The following SEPTIN4 variants were observed in gnomAD, a reference collection of about 807,000 sequenced individuals.
SEPTIN4 encodes septin 4.
Under a neutral mutation model 107.1 loss-of-function variants are expected in SEPTIN4, and 52 were observed. That is an observed-to-expected ratio of 0.49 (90% CI 0.39 to 0.61). The LOEUF (loss-of-function observed/expected upper bound fraction) is 0.61, where lower values mean the gene tolerates loss of function less well. SEPTIN4 is among the 20% of genes least tolerant of loss of function. The pLI, the probability that SEPTIN4 is intolerant of heterozygous loss-of-function variation, is 0.00. For missense variants in SEPTIN4, 1,048 were observed against 1,243.5 expected, an observed-to-expected ratio of 0.84 and a Z score of 2.36; for synonymous variants, 417 against 467.0, an observed-to-expected ratio of 0.89 and a Z score of 1.38.
intron 3 of SEPTIN4, among the ~76,000 whole-genome samples, chr17:58,535,688 C>T (rs2043686798): frequency 6.6e-6 from 1 of 152,182 alleles, no homozygotes; most frequent in Admixed American, 6.5e-5. Context: ...TTTCAAGTGA[C>T]CCATCTGTAT....
intron 3 of SEPTIN4, among the ~76,000 whole-genome samples, chr17:58,537,174 T>C (rs1244998657): frequency 1.3e-5 from 2 of 152,342 alleles, no homozygotes; most frequent in South Asian, 2.1e-4. Flanking sequence ...CCCCATTTTA[T>C]AGGCAGAGGG....
intron 3 of SEPTIN4, among the ~76,000 whole-genome samples, chr17:58,539,374 G>A (rs2043817156): frequency 6.6e-6 from 1 of 152,156 alleles, no homozygotes; most frequent in Non-Finnish European, 1.5e-5. Context: ...TGACTGAAGG[G>A]AAATATTAAC....
chr17:58,531,810 T>C, intron 3 of SEPTIN4: 1 of 714,158 alleles, frequency 1.4e-6, no homozygotes. Context: ...CCGGCAGCAG[T>C]GCCAGCCTGT....
chr17:58,539,281 A>G, intron 3 of SEPTIN4: 3 of 939,706 alleles, frequency 3.2e-6, no homozygotes, highest in Non-Finnish European at 3.1e-6. Flanking sequence ...TTGACTTCCT[A>G]AACTAAAACA....
At position 58,544,079 on chromosome 17, in the gene SEPTIN4, G is replaced by C; in HGVS notation, c.108C>G (p.Ala36=). 1 of 1,614,148 alleles carries C rather than the reference G, an allele frequency of 6.2e-7. No individual in the cohort carries two copies. Among genetic ancestry groups the C allele is most frequent in the South Asian group, 1.1e-5 (1 of 91,078 alleles). Residue 36 remains alanine, a synonymous_variant, in exon 1 of 14, where the codon GCC becomes GCG. Coordinates refer to ENST00000672673, the MANE Select transcript of SEPTIN4 (RefSeq NM_001368771.2). ...AGACTGCAGCACTTCGATGGCTTGAGGCAAGAACGTACCCATGTCCCTGCT... is the reference window on the plus strand; with the variant it reads ...AGACTGCAGCACTTCGATGGCTTGACGCAAGAACGTACCCATGTCCCTGCT... ...SPQQGHGYVL[A]SSHRSAAVSL...
rs941353928 is a variant in SEPTIN4 at position 58,540,599 on chromosome 17, G to A, written c.1614+67C>T. 7.5e-5 allele frequency: 94 copies of A among 1,253,706 alleles called. 2 individuals are homozygous for A. In the Middle Eastern group the frequency reaches 7.6e-4, roughly 10 times the overall value. The allele number at this position is 1,253,706 out of a possible 1,614,324, so 77.7% of individuals were successfully genotyped here. ...CCATGCCCACTCCCATTACAGGACA[G>A]GAGATGGATTTGGATTGTGGGGTGG... On this transcript the variant is annotated intron_variant, in intron 3 of 13. Transcript: ENST00000672673.
At position 58,522,059 on chromosome 17, in the gene SEPTIN4, C is replaced by T; in HGVS notation, c.2259G>A (p.Gln753=). 1 of 1,614,232 alleles carries T rather than the reference C, an allele frequency of 6.2e-7. No homozygotes were observed. Among genetic ancestry groups the T allele is most frequent in the Non-Finnish European group, 8.5e-7 (1 of 1,180,044 alleles). Reference sequence around the variant, plus strand: ...TCAGGCCACTCTCGTCTCGGAAATACTGCTCAAACTGCTGATCAATGTATT... The same window carrying T: ...TCAGGCCACTCTCGTCTCGGAAATATTGCTCAAACTGCTGATCAATGTATT... ...VAEYIDQQFE[Q]YFRDESGLNR... Residue 753 remains glutamine (Q), a synonymous_variant, in exon 8 of 14, where the codon CAG becomes CAA. Transcript: ENST00000672673.
In SEPTIN4 at chr17:58,520,301, C is replaced by A; in HGVS notation, c.*125G>T. On this transcript the variant is annotated 3_prime_UTR_variant, in exon 14 of 14. Transcript: ENST00000672673. The stretch of plus-strand genomic sequence containing the variant: ...ACTTTATTTCCTCTGAGTCTCTGGG[C>A]AGTCAGCAGGGATGTAAGGCGAAGT... 1 of 773,792 alleles carries A rather than the reference C, an allele frequency of 1.3e-6. No homozygotes were observed. 47.9% of individuals were successfully genotyped at this position (773,792 alleles called of 1,614,324 possible). A position where few individuals can be genotyped will look rare whatever the true frequency, so the allele number is the denominator to read the frequency against.
At position 58,543,755 on chromosome 17, in the gene SEPTIN4, G is replaced by A. The variant is rs2043949472; in HGVS notation, c.432C>T (p.Gly144=). The A allele has an allele frequency of 6.2e-7, 1 of 1,614,140 alleles. No individual in the cohort carries two copies. The highest frequency in any genetic ancestry group is 8.5e-7 in the Non-Finnish European group (1 of 1,180,028). The stretch of plus-strand genomic sequence containing the variant: ...CATCTGGGATTGATGAAGCATGATG[G>A]CCGACCTCGCGCCCTGACTTGCTCT... ...GSESKSGREV[G]HHASSIPDAK... Residue 144 remains glycine, a synonymous_variant, in exon 1 of 14, where the codon GGC becomes GGT. Coordinates refer to ENST00000672673, the MANE Select transcript of SEPTIN4 (RefSeq NM_001368771.2).
chr17:58,533,729 G>T (rs12939703), intron 3 of SEPTIN4, among the ~76,000 whole-genome samples: 1 of 152,014 alleles, frequency 6.6e-6, no homozygotes, highest in African/African-American at 2.4e-5. Context: ...GCAGTTGGAA[G>T]TCTGCAGAAG....
intron 3 of SEPTIN4, 161 bp from the exon 4 acceptor site, chr17:58,527,139 C>T: frequency 2.5e-6 from 3 of 1,196,902 alleles, no homozygotes; most frequent in South Asian, 1.2e-5. Flanking sequence ...AGGAAGTGCT[C>T]ACCATCCCTC....
chr17:58,525,699 A>C lies in SEPTIN4; in HGVS notation c.2088T>G (p.Ala696=). Residue 696 remains alanine (A), a synonymous_variant, in exon 6 of 14, where the codon GCT becomes GCG. Coordinates refer to ENST00000672673, the MANE Select transcript of SEPTIN4 (RefSeq NM_001368771.2). ...DLYRDRKLLG[A]EERIMQTVEI... is the part of the protein sequence containing the mutation. ...ATTGTCCTCTCCTTTCCTTACCTTC[A>C]GCACCAAGAAGTTTCCGGTCCCGGT... is the stretch of plus-strand genomic sequence containing the variant. The C allele has an allele frequency of 6.2e-7, 1 of 1,613,846 alleles. No homozygotes were observed.
intron 4 of SEPTIN4, 52 bp downstream of exon 4, chr17:58,526,630 G>A (rs560038838): frequency 4.5e-5 from 67 of 1,504,390 alleles, no homozygotes; most frequent in African/African-American, 3.9e-4. Context: ...CCCTGCCCCC[G>A]GTCTTCCTGC....
chr17:58,542,128 C>T (rs1341661225), intron 1 of SEPTIN4, among the ~76,000 whole-genome samples, 162 bp from the exon 2 acceptor site: 2 of 152,144 alleles, frequency 1.3e-5, no homozygotes, highest in South Asian at 2.1e-4. Context: ...GACTATATAT[C>T]GTATTCCCAC....
chr17:58,521,248 C>G lies in SEPTIN4; in HGVS notation c.2668+6G>C, dbSNP rs199887324. ...AGATACCCTGGTCACAGGCTCAGTG[C>G]TTTACCTTCCACGATGCCCCAGGGG... On this transcript the variant is annotated splice_donor_region_variant and intron_variant, in intron 11 of 13. Transcript: ENST00000672673. The surrounding 1 kb of genome is among the most constrained non-coding windows in gnomAD (Gnocchi z 6.4). 58 of 1,614,208 alleles carry G rather than the reference C, an allele frequency of 3.6e-5. No individual in the cohort carries two copies. The Admixed American group carries it at 6.8e-4, about 19-fold the overall frequency.
intron 3 of SEPTIN4, chr17:58,530,983 T>G (rs540088058): frequency 6.6e-6 from 1 of 152,494 alleles, no homozygotes; most frequent in East Asian, 1.9e-4. Context: ...CCCCACAGGC[T>G]GGTCAGTGAT....
rs147452066 is a variant in SEPTIN4 at position 58,526,792 on chromosome 17, G to A, written c.1801C>T (p.Arg601Trp). The A allele has an allele frequency of 1.4e-5, 23 of 1,613,574 alleles. No homozygotes were observed. The highest frequency in any genetic ancestry group is 1.9e-5 in the Non-Finnish European group (22 of 1,179,916). The change falls in exon 4 of 14, where the codon CGG becomes TGG. Residue 601 changes from arginine to tryptophan, a missense_variant. Around this residue, in one of 2 missense-constraint regions of SEPTIN4, gnomAD observed 787 missense variants for 871.8 expected, o/e 0.90. Coordinates refer to ENST00000672673, the MANE Select transcript of SEPTIN4 (RefSeq NM_001368771.2). Reference protein sequence around the residue: ...DDDLEFRPPSRPQSSDNQQYF... With the variant: ...DDDLEFRPPSWPQSSDNQQYF... ...TGCTGGTTGTCAGAGGACTGGGGCCGCGAGGGGGGTCTGAACTCCAGGTCA... is the reference window on the plus strand; with the variant it reads ...TGCTGGTTGTCAGAGGACTGGGGCCACGAGGGGGGTCTGAACTCCAGGTCA...
chr17:58,531,950 G>T (rs1227646423), intron 3 of SEPTIN4: 19 of 1,148,664 alleles, frequency 1.7e-5, no homozygotes, highest in Non-Finnish European at 1.9e-5. Context: ...CCGCCTGCCT[G>T]CCTGCCTTAC....
At chr17:58,537,442 G>A (rs1389613634) in intron 3 of SEPTIN4, among the ~76,000 whole-genome samples, 3 of 152,222 alleles carry the variant, frequency 2.0e-5, no homozygotes, top group Non-Finnish European at 4.4e-5. Context: ...TCTGGAATTG[G>A]CTGCCCATGG....
Sources: gnomAD v4.1 joint callset for allele counts (sites outside exome capture counted in the v4.1 genomes callset) on GRCh38, gnomAD v4.1.1 for gene constraint, gnomAD v4.1.1 regional missense constraint, Gnocchi (gnomAD v3.1) non-coding constraint, MANE v1.5 for transcripts, NCBI Gene and HGNC (gene_info 2026-07-23, HGNC 2026-07-21) for gene names.